The following SIPA1L3 variants were observed in gnomAD, a reference collection of about 807,000 sequenced individuals.
The protein encoded by SIPA1L3 is signal induced proliferation associated 1 like 3.
SIPA1L3 carries 59 observed loss-of-function variants against 150.1 expected under a neutral mutation model. That is an observed-to-expected ratio of 0.39 (90% confidence interval 0.32 to 0.49). SIPA1L3 has a LOEUF of 0.49. Ranked by LOEUF, SIPA1L3 falls within the 20% of genes least tolerant of loss-of-function variation. The pLI is 0.86. For synonymous variants in SIPA1L3, 1,070 were observed against 1,077.6 expected, an observed-to-expected ratio of 0.99 and a Z score of 0.14; for missense variants, 2,211 against 2,489.5, an observed-to-expected ratio of 0.89 and a Z score of 2.38.
At chr19:38,122,242 C>G (rs2145901050) in intron 9 of SIPA1L3, among the ~76,000 whole-genome samples, 1 of 152,224 alleles carries the variant, frequency 6.6e-6, no homozygotes, top group South Asian at 2.1e-4. Context: ...CAAAAGCAAA[C>G]TCCTGTGTTC....
At chr19:37,918,850 G>A (rs977323699) in intron 1 of SIPA1L3, among the ~76,000 whole-genome samples, 4 of 151,208 alleles carry the variant, frequency 2.6e-5, no homozygotes, top group East Asian at 2.0e-4. Flanking sequence ...CAGCCTGGGC[G>A]GCAGAGCGAG....
At chr19:38,030,577 A>C (rs1968624203) in intron 2 of SIPA1L3, among the ~76,000 whole-genome samples, 1 of 148,050 alleles carries the variant, frequency 6.8e-6, no homozygotes, top group African/African-American at 2.6e-5. Context: ...CATGTATGGC[A>C]TGGGTAATGG....
At chr19:38,203,843 T>A in intron 20 of SIPA1L3, 1 of 417,310 alleles carries the variant, frequency 2.4e-6, no homozygotes, top group Admixed American at 4.0e-5. Flanking sequence ...TGAAGTCACA[T>A]GCACGGCCCA....
chr19:37,934,037 A>C (rs939613934), intron 1 of SIPA1L3, among the ~76,000 whole-genome samples: 6 of 152,210 alleles, frequency 3.9e-5, no homozygotes, highest in African/African-American at 1.4e-4. Context: ...TTAATGGGTA[A>C]TAATTCTTGC....
chr19:38,063,650 G>A (rs556416724), intron 2 of SIPA1L3, among the ~76,000 whole-genome samples: 5 of 152,300 alleles, frequency 3.3e-5, no homozygotes, highest in African/African-American at 1.2e-4. Flanking sequence ...ACAGGAGTGA[G>A]CCCTGGAGGA....
intron 5 of SIPA1L3, among the ~76,000 whole-genome samples, chr19:38,100,768 C>G (rs1181781729): frequency 6.6e-6 from 1 of 152,248 alleles, no homozygotes; most frequent in Non-Finnish European, 1.5e-5. Context: ...AGGCAACAGT[C>G]TCTTTCATGC....
chr19:37,954,586 A>T (rs2046792543), intron 1 of SIPA1L3, among the ~76,000 whole-genome samples: 1 of 152,132 alleles, frequency 6.6e-6, no homozygotes, highest in Admixed American at 6.5e-5. Flanking sequence ...CCTTGAAAAC[A>T]CTGTTTTCAA....
intron 1 of SIPA1L3, among the ~76,000 whole-genome samples, chr19:37,925,505 T>A (rs770512231): frequency 6.6e-6 from 1 of 151,958 alleles, no homozygotes; most frequent in Admixed American, 6.5e-5. Flanking sequence ...AGAGGAGATA[T>A]TTGCAGATCT....
chr19:38,164,226 G>C lies in SIPA1L3; in HGVS notation c.3781-253G>C, dbSNP rs563135898. On this transcript the variant is annotated intron_variant, in intron 14 of 21. Transcript: ENST00000222345. The surrounding 1 kb of genome is among the most constrained non-coding windows in gnomAD (Gnocchi z 4.1). ...GTCTGAGATGTGGGAAGCATGTTCTGTGCCTGATGTCATTTGTTCCTCTGA... is the reference window on the plus strand; with the variant it reads ...GTCTGAGATGTGGGAAGCATGTTCTCTGCCTGATGTCATTTGTTCCTCTGA... Among the ~76,000 whole-genome samples, 1 of 152,148 alleles carries C rather than the reference G, an allele frequency of 6.6e-6. No individual in the cohort carries two copies. Among genetic ancestry groups the C allele is most frequent in the Non-Finnish European group, 1.5e-5 (1 of 68,018 alleles).
intron 1 of SIPA1L3, among the ~76,000 whole-genome samples, chr19:37,986,084 T>C (rs542072793): frequency 2.0e-5 from 3 of 152,148 alleles, no homozygotes; most frequent in Non-Finnish European, 4.4e-5. Context: ...GCATGCTGCT[T>C]GGGGCTGTGG....
intron 1 of SIPA1L3, among the ~76,000 whole-genome samples, chr19:38,013,606 C>T (rs1357337412): frequency 6.6e-6 from 1 of 152,216 alleles, no homozygotes; most frequent in Admixed American, 6.5e-5. Context: ...TCTGCACCTT[C>T]ACCTGGAAAC....
chr19:38,120,598 G>A (rs976784246), intron 9 of SIPA1L3, among the ~76,000 whole-genome samples: 1 of 152,186 alleles, frequency 6.6e-6, no homozygotes, highest in African/African-American at 2.4e-5. Flanking sequence ...AAAGCACAAA[G>A]GAACATAAAA....
intron 2 of SIPA1L3, among the ~76,000 whole-genome samples, chr19:38,071,554 G>T (rs1969724577): frequency 6.6e-6 from 1 of 152,180 alleles, no homozygotes; most frequent in African/African-American, 2.4e-5. Flanking sequence ...CTCCCAAAGT[G>T]CTGGGATTAC....
intron 15 of SIPA1L3, among the ~76,000 whole-genome samples, chr19:38,166,401 G>A (rs1249821432): frequency 6.6e-6 from 1 of 151,018 alleles, no homozygotes; most frequent in Non-Finnish European, 1.5e-5. Flanking sequence ...AGGTTGCAGT[G>A]AGCCGAGATC....
intron 12 of SIPA1L3, among the ~76,000 whole-genome samples, chr19:38,151,140 AGCATCTGGAGG>A (rs1233187882): frequency 9.9e-5 from 15 of 152,196 alleles, no homozygotes; most frequent in African/African-American, 3.6e-4. Context: ...TGGACCCAGC[AGCATCTGGAGG>A]GCAAAGAGAG....
At chr19:37,943,023 TC>T (rs2046675382) in intron 1 of SIPA1L3, among the ~76,000 whole-genome samples, 1 of 115,466 alleles carries the variant, frequency 8.7e-6, no homozygotes, top group Non-Finnish European at 1.8e-5. Flanking sequence ...TCTCTCTCTC[TC>T]TCTCTCTCTC....
At chr19:38,117,150 C>G (rs1458897292) in intron 8 of SIPA1L3, among the ~76,000 whole-genome samples, 2 of 152,244 alleles carry the variant, frequency 1.3e-5, no homozygotes, top group African/African-American at 4.8e-5. Flanking sequence ...ACTTCTCCTC[C>G]TCCCAGCCCT....
Position 37,962,146 on chromosome 19 carries a change from C to CTTTT in SIPA1L3, c.-379+54800_-379+54803dup, listed in dbSNP as rs369762947. Among the ~76,000 whole-genome samples, 452 of 142,250 alleles carry CTTTT rather than the reference C, an allele frequency of 3.2e-3. 20 individuals carry two copies. The highest frequency in any genetic ancestry group is 7.1e-3 in the African/African-American group (276 of 39,144). 93.3% of individuals were successfully genotyped at this position (142,250 alleles called of 152,430 possible). On this transcript the variant is annotated intron_variant, in intron 1 of 21. Transcript: ENST00000222345. ...TGTGTCTCACAATTTTTCTTTCATTCTTTTTTTTTTTTTTTGAGACAGAGT... is the reference window on the plus strand; with the variant it reads ...TGTGTCTCACAATTTTTCTTTCATTCTTTTTTTTTTTTTTTTTTTGAGACAGAGT...
chr19:38,035,834 G>T (rs1197008565), intron 2 of SIPA1L3, among the ~76,000 whole-genome samples: 1 of 152,150 alleles, frequency 6.6e-6, no homozygotes, highest in African/African-American at 2.4e-5. Flanking sequence ...CATGTTGGAG[G>T]TTAGGTGGCT....
Sources: gnomAD v4.1 joint callset for allele counts (sites outside exome capture counted in the v4.1 genomes callset) on GRCh38, gnomAD v4.1.1 for gene constraint, Gnocchi (gnomAD v3.1) non-coding constraint, MANE v1.5 for transcripts, NCBI Gene and HGNC (gene_info 2026-07-23, HGNC 2026-07-21) for gene names.